The following PLXNA4 variants were observed in gnomAD, a reference collection of about 807,000 sequenced individuals.
PLXNA4 encodes plexin A4.
In PLXNA4, 44 loss-of-function variants were observed where a neutral mutation model predicts 191.8. That is an observed-to-expected ratio of 0.23 (90% CI 0.18 to 0.29). The LOEUF (loss-of-function observed/expected upper bound fraction) is 0.29. Ranked by LOEUF, PLXNA4 falls within the 10% of genes least tolerant of loss-of-function variation. The pLI, the probability that PLXNA4 is intolerant of heterozygous loss-of-function variation, is 1.00. For missense variants in PLXNA4, 1,800 were observed against 2,488.8 expected, an observed-to-expected ratio of 0.72 and a Z score of 5.89; for synonymous variants, 1,082 against 1,009.5, an observed-to-expected ratio of 1.07 and a Z score of -1.36.
At chr7:132,647,635 A>G (rs1803902068) in intron 1 of PLXNA4, among the ~76,000 whole-genome samples, 2 of 151,924 alleles carry the variant, frequency 1.3e-5, no homozygotes, top group African/African-American at 4.8e-5. Flanking sequence ...ATGCTATCAT[A>G]CACACATACA....
chr7:132,311,187 T>TGTGTGTGTGTGTGTGTGTGTGTGTGG (rs1801721752), intron 3 of PLXNA4, among the ~76,000 whole-genome samples: 1 of 136,724 alleles, frequency 7.3e-6, no homozygotes, highest in African/African-American at 2.8e-5. Context: ...TGTGTGTGTG[T>TGTGTGTGTGTGTGTGTGTGTGTGTGG]GTGTGTGCGC....
intron 3 of PLXNA4, among the ~76,000 whole-genome samples, chr7:132,325,318 TA>T (rs1802316256): frequency 6.6e-6 from 1 of 151,832 alleles, no homozygotes; most frequent in Non-Finnish European, 1.5e-5. Context: ...AAAGCAAGAG[TA>T]GAATTCTTGC....
intron 3 of PLXNA4, among the ~76,000 whole-genome samples, chr7:132,442,709 C>CA (rs1194205710): frequency 1.3e-5 from 2 of 152,202 alleles, no homozygotes; most frequent in Non-Finnish European, 2.9e-5. Context: ...CTGACCAAGA[C>CA]AAAAAACAGT....
chr7:132,229,238 G>A (rs994452400), intron 5 of PLXNA4, among the ~76,000 whole-genome samples: 3 of 152,224 alleles, frequency 2.0e-5, no homozygotes, highest in African/African-American at 4.8e-5. Context: ...TGGCTCTAAG[G>A]TTTGCTGTTA....
intron 1 of PLXNA4, among the ~76,000 whole-genome samples, chr7:132,541,167 C>T (rs1220425614): frequency 1.3e-5 from 2 of 152,172 alleles, no homozygotes; most frequent in Admixed American, 6.5e-5. Flanking sequence ...TGAAATGTGG[C>T]TTGGATGAAG....
intron 3 of PLXNA4, among the ~76,000 whole-genome samples, chr7:132,315,615 C>T (rs67188846): frequency 0.067 from 10,240 of 152,258 alleles, 454 homozygotes; most frequent in African/African-American, 0.12. Flanking sequence ...AAACCCAATA[C>T]ACCTTGGCCC....
chr7:132,638,112 C>T (rs1163887550), intron 2 of PLXNA4, among the ~76,000 whole-genome samples: 1 of 152,232 alleles, frequency 6.6e-6, no homozygotes, highest in South Asian at 2.1e-4. Flanking sequence ...GTCTGTGCTG[C>T]CACAACGGAG....
At chr7:132,547,336 T>C (rs1029306445) in intron 1 of PLXNA4, among the ~76,000 whole-genome samples, 1 of 152,206 alleles carries the variant, frequency 6.6e-6, no homozygotes, top group African/African-American at 2.4e-5. Flanking sequence ...TGAATTGAAC[T>C]TTAATCTGAT....
chr7:132,538,304 G>C (rs1278020501), intron 1 of PLXNA4, among the ~76,000 whole-genome samples: 2 of 152,208 alleles, frequency 1.3e-5, no homozygotes, highest in East Asian at 3.8e-4. Context: ...GAAGTTATAT[G>C]ATCAGCACAA....
At chr7:132,320,377 C>T (rs573468729) in intron 3 of PLXNA4, among the ~76,000 whole-genome samples, 1 of 152,298 alleles carries the variant, frequency 6.6e-6, no homozygotes, top group South Asian at 2.1e-4. Flanking sequence ...TGGCCCGGGT[C>T]TCTCTGTCTA....
chr7:132,165,248 G>A (rs369460025), intron 22 of PLXNA4, 48 bp from the exon 23 acceptor site: 1 of 1,594,310 alleles, frequency 6.3e-7, no homozygotes. Flanking sequence ...AAAGAAAGAA[G>A]CAGCTGGTCA....
At chr7:132,579,523 C>CTTTT (rs540721748), upstream of PLXNA4, among the ~76,000 whole-genome samples, 1,346 of 126,138 alleles carry the variant, frequency 0.011, 26 homozygotes, top group African/African-American at 0.037. Flanking sequence ...AGTCAAAGAC[C>CTTTT]TTTTTTTTTT....
At chr7:132,537,232 C>T (rs1210727812) in intron 1 of PLXNA4, among the ~76,000 whole-genome samples, 1 of 152,224 alleles carries the variant, frequency 6.6e-6, no homozygotes. Flanking sequence ...CAGACATATC[C>T]AGGCAGCAGC....
At chr7:132,569,338 C>T (rs1319397652) in intron 1 of PLXNA4, among the ~76,000 whole-genome samples, 6 of 152,190 alleles carry the variant, frequency 3.9e-5, no homozygotes, top group African/African-American at 1.4e-4. Flanking sequence ...GGATCTCACC[C>T]CTCAATAAAG....
intron 2 of PLXNA4, among the ~76,000 whole-genome samples, chr7:132,493,396 A>G (rs1297115231): frequency 6.6e-6 from 1 of 152,212 alleles, no homozygotes; most frequent in African/African-American, 2.4e-5. Context: ...TCACAAGGAA[A>G]GGAAATAAGC....
intron 21 of PLXNA4, among the ~76,000 whole-genome samples, chr7:132,169,041 G>A (rs191622656): frequency 7.0e-4 from 107 of 152,286 alleles, no homozygotes; most frequent in Non-Finnish European, 1.1e-3. Context: ...TGATACACCA[G>A]TGGCCTCGGA....
intron 1 of PLXNA4, among the ~76,000 whole-genome samples, chr7:132,529,679 C>G (rs1799549391): frequency 6.7e-6 from 1 of 149,634 alleles, no homozygotes; most frequent in Admixed American, 6.7e-5. Context: ...GATCTCGGCT[C>G]ACTGCAAGCT....
chr7:132,504,593 T>A (rs1267884794), intron 2 of PLXNA4, among the ~76,000 whole-genome samples: 1 of 152,190 alleles, frequency 6.6e-6, no homozygotes, highest in South Asian at 2.1e-4. Context: ...GTAACTATGA[T>A]AAAACCCACA....
chr7:132,306,733 T>C (rs1211511799), intron 3 of PLXNA4, among the ~76,000 whole-genome samples: 1 of 152,144 alleles, frequency 6.6e-6, no homozygotes, highest in African/African-American at 2.4e-5. Flanking sequence ...GAGACACAAA[T>C]GCACACTCAC....
Sources: allele counts gnomAD v4.1 joint callset (sites outside exome capture counted in the v4.1 genomes callset), GRCh38; gene constraint gnomAD v4.1.1; transcripts MANE v1.5; gene names NCBI Gene and HGNC (gene_info 2026-07-23, HGNC 2026-07-21).